SCAPER: variants seen among roughly 807,000 people sequenced by gnomAD.
SCAPER encodes S phase cyclin A-associated protein in the endoplasmic reticulum.
In SCAPER, 98 loss-of-function variants were observed where a neutral mutation model predicts 182.2. The observed-to-expected ratio is 0.54, with a 90% CI of 0.46 to 0.64. The LOEUF (loss-of-function observed/expected upper bound fraction) is 0.64. Among genes scored for constraint, SCAPER ranks in the 30% least tolerant of loss-of-function variants. The probability of loss-of-function intolerance (pLI) is 0.00; values close to 1 mark genes in which losing one functional copy is unlikely to be tolerated. For missense variants in SCAPER, 1,432 were observed against 1,690.0 expected, an observed-to-expected ratio of 0.85 and a Z score of 2.68; for synonymous variants, 605 against 564.6, an observed-to-expected ratio of 1.07 and a Z score of -1.01.
chr15:76,755,268 A>G (rs2062351245), intron 14 of SCAPER, among the ~76,000 whole-genome samples: 1 of 152,190 alleles, frequency 6.6e-6, no homozygotes, highest in Admixed American at 6.5e-5. Flanking sequence ...TATCAAATCT[A>G]TTCATCTAAT....
chr15:76,725,879 A>T (rs2060555991), intron 17 of SCAPER, among the ~76,000 whole-genome samples: 1 of 151,550 alleles, frequency 6.6e-6, no homozygotes, highest in Non-Finnish European at 1.5e-5. Context: ...CTAAAAGTAT[A>T]AAAATGTTAC....
chr15:76,793,242 T>A (rs1364435523), intron 8 of SCAPER: 1 of 1,114,716 alleles, frequency 9.0e-7, no homozygotes. Flanking sequence ...CCTGTGATAT[T>A]GCAAAATATA....
At chr15:76,515,371 A>G (rs1386792850) in intron 23 of SCAPER, among the ~76,000 whole-genome samples, 1 of 152,226 alleles carries the variant, frequency 6.6e-6, no homozygotes, top group African/African-American at 2.4e-5. Flanking sequence ...TGGGAGATAG[A>G]TGACCAAAGA....
intron 21 of SCAPER, among the ~76,000 whole-genome samples, chr15:76,652,273 AATATATATATAT>A (rs1172636102): frequency 1.6e-4 from 2 of 12,864 alleles, no homozygotes; most frequent in African/African-American, 3.2e-4. Flanking sequence ...AAAAAAAAAA[AATATATATATAT>A]ATATATATAT....
chr15:76,379,677 CTTTT>C (rs2042807712), intron 28 of SCAPER: 1 of 151,278 alleles, frequency 6.6e-6, no homozygotes, highest in African/African-American at 2.4e-5. Flanking sequence ...TTTGATTTTT[CTTTT>C]TGATTTTTTT....
At chr15:76,693,408 C>G (rs566132158) in intron 20 of SCAPER, among the ~76,000 whole-genome samples, 6 of 152,106 alleles carry the variant, frequency 3.9e-5, no homozygotes, top group Non-Finnish European at 7.4e-5. Flanking sequence ...ACCTCATTAG[C>G]TGTGGAAAAT....
chr15:76,855,969 G>A (rs143326174), intron 4 of SCAPER: 5 of 277,280 alleles, frequency 1.8e-5, no homozygotes, highest in African/African-American at 4.4e-5. Context: ...ACACATGCAC[G>A]TGAATGTTCA....
At chr15:76,477,959 G>A (rs1211396596) in intron 24 of SCAPER, among the ~76,000 whole-genome samples, 1 of 148,834 alleles carries the variant, frequency 6.7e-6, no homozygotes, top group Non-Finnish European at 1.5e-5. Context: ...GTTTTTTTTG[G>A]TCATAAATAA....
chr15:76,500,080 T>C (rs905053623), intron 24 of SCAPER, among the ~76,000 whole-genome samples: 7 of 152,354 alleles, frequency 4.6e-5, no homozygotes, highest in East Asian at 1.9e-4. Flanking sequence ...AGTCTTCCCA[T>C]TTAATTGAGG....
chr15:76,803,089 C>T (rs1374641550), intron 6 of SCAPER, among the ~76,000 whole-genome samples: 14 of 152,254 alleles, frequency 9.2e-5, no homozygotes, highest in African/African-American at 3.1e-4. Flanking sequence ...CACTTCCCTA[C>T]TTTAAAACCC....
intron 23 of SCAPER, among the ~76,000 whole-genome samples, chr15:76,544,972 G>A (rs745758066): frequency 1.2e-4 from 19 of 152,034 alleles, no homozygotes; most frequent in Non-Finnish European, 2.4e-4. Flanking sequence ...TTTCTGAACT[G>A]ATTAACATCA....
intron 29 of SCAPER, among the ~76,000 whole-genome samples, chr15:76,373,504 C>G (rs2042330812): frequency 6.6e-6 from 1 of 152,130 alleles, no homozygotes; most frequent in Non-Finnish European, 1.5e-5. Flanking sequence ...TGTAAGAGAT[C>G]TGTGAACCTA....
chr15:76,709,027 C>A (rs528970303), intron 17 of SCAPER, among the ~76,000 whole-genome samples: 1 of 152,238 alleles, frequency 6.6e-6, no homozygotes, highest in East Asian at 1.9e-4. Flanking sequence ...GAGCGCACCA[C>A]TGCACTCCAG....
chr15:76,425,449 C>T (rs2046355015), intron 26 of SCAPER, among the ~76,000 whole-genome samples: 2 of 152,276 alleles, frequency 1.3e-5, no homozygotes, highest in South Asian at 4.2e-4. Flanking sequence ...GTTCTCGTGC[C>T]ACGGTTTTCA....
intron 4 of SCAPER, among the ~76,000 whole-genome samples, chr15:76,852,756 CA>C (rs1444892304): frequency 6.6e-6 from 1 of 152,106 alleles, no homozygotes; most frequent in Non-Finnish European, 1.5e-5. Context: ...CTCAAATTAA[CA>C]ATCTAACATC....
intron 26 of SCAPER, among the ~76,000 whole-genome samples, chr15:76,430,270 C>T (rs996088841): frequency 3.3e-5 from 5 of 152,156 alleles, no homozygotes; most frequent in Non-Finnish European, 7.3e-5. Context: ...GGGGTCAGAG[C>T]CCCTACACAG....
intron 15 of SCAPER, among the ~76,000 whole-genome samples, chr15:76,748,878 C>T (rs1258712372): frequency 6.6e-6 from 1 of 151,404 alleles, no homozygotes; most frequent in Non-Finnish European, 1.5e-5. Context: ...AAAAATCTTC[C>T]CACAAAGAAA....
chr15:76,753,089 T>C (rs1248178997), intron 15 of SCAPER, among the ~76,000 whole-genome samples: 1 of 151,726 alleles, frequency 6.6e-6, no homozygotes, highest in African/African-American at 2.4e-5. Flanking sequence ...TATTGTAAGA[T>C]GCTATACACC....
chr15:76,397,638 G>A (rs753572002), intron 27 of SCAPER, among the ~76,000 whole-genome samples: 7 of 151,876 alleles, frequency 4.6e-5, no homozygotes, highest in Admixed American at 2.6e-4. Context: ...GCACCACCAC[G>A]CCCAGATAAT....
Sources: allele counts gnomAD v4.1 joint callset (sites outside exome capture counted in the v4.1 genomes callset), GRCh38; gene constraint gnomAD v4.1.1; transcripts MANE v1.5; gene names NCBI Gene and HGNC (gene_info 2026-07-23, HGNC 2026-07-21).